Variants in ITPR2 observed in about 807,000 individuals in gnomAD.
ITPR2 encodes the protein inositol 1,4,5-trisphosphate receptor type 2, also known as inositol 1,4,5-trisphosphate-gated calcium channel ITPR2.
ITPR2 carries 207 observed loss-of-function variants against 317.1 expected under a neutral mutation model. The ratio of observed to expected loss-of-function variants is 0.65; its 90% CI spans 0.58 to 0.73. The LOEUF (loss-of-function observed/expected upper bound fraction) is 0.73. ITPR2 is among the 30% of genes least tolerant of loss of function. The probability of loss-of-function intolerance (pLI) is 0.00; values close to 1 mark genes in which losing one functional copy is unlikely to be tolerated. For missense variants in ITPR2, 2,613 were observed against 3,284.0 expected (o/e 0.80, Z 4.99); for synonymous variants, 1,156 against 1,149.1 (o/e 1.01, Z -0.12).
intron 10 of ITPR2, among the ~76,000 whole-genome samples, chr12:26,690,939 T>G (rs147726067): frequency 1.4e-3 from 214 of 152,372 alleles, no homozygotes; most frequent in African/African-American, 4.8e-3. Context: ...GGAAAATAGC[T>G]TTAATGAAAA....
intron 21 of ITPR2, among the ~76,000 whole-genome samples, chr12:26,645,970 C>CATTT (rs1947103716): frequency 8.4e-6 from 1 of 119,018 alleles, no homozygotes; most frequent in African/African-American, 3.4e-5. Flanking sequence ...TCTTTCTTTC[C>CATTT]TTTTTTTTTT....
chr12:26,520,372 T>C (rs1018903689), intron 37 of ITPR2, among the ~76,000 whole-genome samples: 4 of 152,212 alleles, frequency 2.6e-5, no homozygotes, highest in Admixed American at 6.5e-5. Flanking sequence ...CTGCTTCCTA[T>C]GGGCTTCCTG....
intron 37 of ITPR2, among the ~76,000 whole-genome samples, chr12:26,509,978 G>A (rs1200966799): frequency 8.4e-6 from 1 of 119,726 alleles, no homozygotes; most frequent in Admixed American, 8.1e-5. Context: ...GTGTGTGTGT[G>A]TGTGTGTGTG....
chr12:26,481,513 T>C (rs1942544853), intron 42 of ITPR2, among the ~76,000 whole-genome samples: 1 of 152,238 alleles, frequency 6.6e-6, no homozygotes, highest in African/African-American at 2.4e-5. Context: ...TTTCAGAGAA[T>C]ACTGGTTAAG....
intron 42 of ITPR2, 130 bp from the exon 43 acceptor site, chr12:26,481,371 C>A: frequency 3.4e-6 from 2 of 584,136 alleles, no homozygotes; most frequent in South Asian, 2.1e-5. Flanking sequence ...TACCTTTGAG[C>A]ATTTGACTTA....
intron 34 of ITPR2, among the ~76,000 whole-genome samples, chr12:26,567,980 A>ATATATATATATATATTATATAT (rs56837732): frequency 1.3e-4 from 1 of 7,596 alleles, no homozygotes; most frequent in African/African-American, 2.9e-4. Flanking sequence ...TATATATATT[A>ATATATATATATATATTATATAT]TATATATATA....
rs1565609812 is a variant in ITPR2, at chr12:26,568,007, TA to T, written c.4631-6056del. ...ATATATATATATATATTATATATAT[TA>T]TATATATATATATATATATATATAA... On this transcript the variant is annotated intron_variant, in intron 34 of 56. Coordinates refer to ENST00000381340, the MANE Select transcript of ITPR2 (RefSeq NM_002223.4). Among the ~76,000 whole-genome samples, 4 of 3,208 alleles carry T rather than the reference TA, an allele frequency of 1.2e-3. 1 individual carries two copies. Among genetic ancestry groups the T allele is most frequent in the Non-Finnish European group, 4.2e-3 (1 of 240 alleles). The allele number at this position is 3,208 out of a possible 152,430, so 2.1% of individuals were successfully genotyped here.
intron 55 of ITPR2, 126 bp downstream of exon 55, chr12:26,387,308 G>T: frequency 4.7e-6 from 4 of 844,992 alleles, no homozygotes; most frequent in Non-Finnish European, 7.4e-6. Flanking sequence ...TGATTGACAG[G>T]CCTATTTAAA....
chr12:26,706,437 T>A (rs74369813), intron 9 of ITPR2, among the ~76,000 whole-genome samples: 7,344 of 152,186 alleles, frequency 0.048, 200 homozygotes, highest in Middle Eastern at 0.085. Context: ...CATTACTTCC[T>A]AACTCACAAG....
rs1011824863 is a variant in ITPR2, at chr12:26,727,839, C to T, written c.164-2074G>A. ...ACGGAGGTCAGAAAAGACTTCCCCACGGAGAAGAAAGGAGAAAACACAGCC... is the reference window on the plus strand; with the variant it reads ...ACGGAGGTCAGAAAAGACTTCCCCATGGAGAAGAAAGGAGAAAACACAGCC... On this transcript the variant is annotated intron_variant, in intron 2 of 56. Transcript: ENST00000381340. Among the ~76,000 whole-genome samples, 5 of 152,070 alleles carry T rather than the reference C, an allele frequency of 3.3e-5. No homozygotes were observed. The East Asian group carries it at 5.8e-4, about 18-fold the overall frequency.
chr12:26,780,783 C>T (rs998939356), intron 2 of ITPR2, among the ~76,000 whole-genome samples: 3 of 152,176 alleles, frequency 2.0e-5, no homozygotes, highest in Non-Finnish European at 4.4e-5. Context: ...GATCCACTAA[C>T]AAAATTTTTG....
chr12:26,427,937 T>C lies in ITPR2; in HGVS notation c.6921A>G (p.Thr2307=). The C allele has an allele frequency of 6.3e-7, 1 of 1,593,186 alleles. No homozygotes were observed. Among genetic ancestry groups the C allele is most frequent in the Non-Finnish European group, 8.5e-7 (1 of 1,171,156 alleles). ...CATTAGCTGCACCAAGAAGTATTAATGTAGGCCCAAGACCTATTGTATATA... is the reference window on the plus strand; with the variant it reads ...CATTAGCTGCACCAAGAAGTATTAACGTAGGCCCAAGACCTATTGTATATA... ...RSIYTIGLGP[T]LILLGAANLC... Residue 2307 remains threonine, a synonymous_variant, in exon 49 of 57, where the codon ACA becomes ACG. Transcript: ENST00000381340.
chr12:26,602,573 C>T, intron 27 of ITPR2, 44 bp downstream of exon 27: 3 of 1,560,644 alleles, frequency 1.9e-6, no homozygotes, highest in Non-Finnish European at 2.6e-6. Context: ...ACTTATTTGG[C>T]ATGCAAATAT....
intron 13 of ITPR2, among the ~76,000 whole-genome samples, chr12:26,674,900 A>G (rs1947873201): frequency 1.3e-5 from 2 of 151,682 alleles, no homozygotes; most frequent in African/African-American, 2.4e-5. Context: ...ATGAATAGAC[A>G]CTTCTCAAAA....
At chr12:26,430,049 G>C (rs940398821) in intron 48 of ITPR2, among the ~76,000 whole-genome samples, 1 of 152,154 alleles carries the variant, frequency 6.6e-6, no homozygotes, top group African/African-American at 2.4e-5. Context: ...TTAAAATTGG[G>C]TGTTTGATCC....
Position 26,659,155 on chromosome 12 carries a change from A to G in ITPR2, c.1844T>C (p.Ile615Thr). The change falls in exon 16 of 57, where the codon ATA (isoleucine) becomes ACA (threonine). Residue 615 changes from isoleucine to threonine, a missense_variant. Coordinates refer to ENST00000381340, the MANE Select transcript of ITPR2 (RefSeq NM_002223.4). ...LLEKHITAKE[I>T]ETFVSLLRRN... ...CCTGAGTAAACTGACAAATGTTTCTATTTCTTTTGCTGTGATATGTTTCTC... is the reference window on the plus strand; with the variant it reads ...CCTGAGTAAACTGACAAATGTTTCTGTTTCTTTTGCTGTGATATGTTTCTC... The G allele has an allele frequency of 1.9e-6, 3 of 1,613,458 alleles. No individual in the cohort carries two copies. The highest frequency in any genetic ancestry group is 2.5e-6 in the Non-Finnish European group (3 of 1,179,690).
At chr12:26,746,853 C>T (rs1262270160) in intron 2 of ITPR2, among the ~76,000 whole-genome samples, 1 of 147,430 alleles carries the variant, frequency 6.8e-6, no homozygotes, top group Non-Finnish European at 1.5e-5. Flanking sequence ...TGTGTGTAAG[C>T]ATGTTAGGGA....
rs770087202 is a variant in ITPR2, at chr12:26,556,364, G to A, written c.4833C>T (p.Ala1611=). 9 of 1,612,998 alleles carry A rather than the reference G, an allele frequency of 5.6e-6. No homozygotes were observed. Among genetic ancestry groups the A allele is most frequent in the South Asian group, 1.1e-5 (1 of 90,816 alleles). The part of the protein sequence containing the change: ...NIIEKLQDVV[A]SLEHQFSPMM... ...TTGGGCTGAACTGGTGCTCCAAGGA[G>A]GCCACTACATCCTAGGGAATGAAAC... is the stretch of plus-strand genomic sequence containing the variant. Residue 1611 remains alanine (A), a synonymous_variant, in exon 36 of 57, where the codon GCC becomes GCT. Coordinates refer to ENST00000381340, the MANE Select transcript of ITPR2 (RefSeq NM_002223.4).
chr12:26,550,998 T>C (rs1944511704), intron 36 of ITPR2, among the ~76,000 whole-genome samples: 1 of 152,232 alleles, frequency 6.6e-6, no homozygotes, highest in Non-Finnish European at 1.5e-5. Context: ...CACTGTGCAC[T>C]GGTGCTCCGT....
Sources: allele counts gnomAD v4.1 joint callset (sites outside exome capture counted in the v4.1 genomes callset), GRCh38; gene constraint gnomAD v4.1.1; transcripts MANE v1.5; gene names NCBI Gene and HGNC (gene_info 2026-07-23, HGNC 2026-07-21).